The following PRR5 variants were observed in gnomAD, a reference collection of about 807,000 sequenced individuals.
PRR5 encodes proline-rich protein 5.
PRR5 carries 25 observed loss-of-function variants against 30.6 expected under a neutral mutation model. That is an observed-to-expected ratio of 0.82 (90% CI 0.60 to 1.14). PRR5 has a LOEUF of 1.14. Ranked by LOEUF, PRR5 falls within the 50% of genes most tolerant of loss-of-function variation. The pLI, the probability that PRR5 is intolerant of heterozygous loss-of-function variation, is 0.00. For synonymous variants in PRR5, 286 were observed against 247.1 expected, an observed-to-expected ratio of 1.16 and a Z score of -1.48; for missense variants, 600 against 547.1, an observed-to-expected ratio of 1.10 and a Z score of -0.96.
chr22:44,697,521 C>G (rs1292608155), upstream of PRR5, among the ~76,000 whole-genome samples: 2 of 152,248 alleles, frequency 1.3e-5, no homozygotes, highest in Admixed American at 6.5e-5. Flanking sequence ...CGGGACTGAC[C>G]AGGCTGCTCC....
rs567749081 is a variant in PRR5 at position 44,709,175 on chromosome 22, C to A, written c.135-5416C>A. Among the ~76,000 whole-genome samples the A allele has an allele frequency of 3.3e-5, 5 of 151,964 alleles. No homozygotes were observed. The East Asian group carries it at 9.7e-4, about 30-fold the overall frequency. On this transcript the variant is annotated intron_variant, in intron 1 of 7. Coordinates refer to ENST00000336985, the MANE Select transcript of PRR5 (RefSeq NM_181333.4). The stretch of plus-strand genomic sequence containing the variant: ...GGGGCCTGTGTTCGGCTCCCCACCA[C>A]CCCTGCTTGTGGCTCCCCACCACCC...
At chr22:44,729,814 A>G (rs1393253482) in intron 4 of PRR5, 31 of 985,344 alleles carry the variant, frequency 3.1e-5, no homozygotes, top group Admixed American at 1.8e-4. Context: ...TGGGCTGGAG[A>G]ACAGCCTGCG....
chr22:44,722,494 G>A (rs866514772), intron 2 of PRR5, among the ~76,000 whole-genome samples: 2 of 152,226 alleles, frequency 1.3e-5, no homozygotes, highest in Admixed American at 1.3e-4. Context: ...CCTGAGTGCC[G>A]GTTCCCTCAG....
At chr22:44,709,377 G>T (rs1319015755) in intron 1 of PRR5, among the ~76,000 whole-genome samples, 1 of 152,168 alleles carries the variant, frequency 6.6e-6, no homozygotes, top group Non-Finnish European at 1.5e-5. Flanking sequence ...ATGCAGTGAC[G>T]GGCACAGAGA....
At chr22:44,680,011 A>C in intron 1 of PRR5, 1 of 822,090 alleles carries the variant, frequency 1.2e-6, no homozygotes, top group South Asian at 1.7e-5. Context: ...TGAGGGCTGG[A>C]CCTCAGCCTG....
chr22:44,673,126 C>G (rs527948646), upstream of PRR5, among the ~76,000 whole-genome samples: 1 of 152,340 alleles, frequency 6.6e-6, no homozygotes, highest in Admixed American at 6.5e-5. Flanking sequence ...CAAAAGCAAT[C>G]CACCTAGTGC....
At chr22:44,717,686 C>G (rs190585750) in intron 2 of PRR5, among the ~76,000 whole-genome samples, 1 of 151,336 alleles carries the variant, frequency 6.6e-6, no homozygotes, top group South Asian at 2.1e-4. Context: ...TCTTGAGGTC[C>G]GCTCAGGGAG....
chr22:44,688,308 T>G (rs1254590351), intron 1 of PRR5, among the ~76,000 whole-genome samples: 2 of 151,836 alleles, frequency 1.3e-5, no homozygotes, highest in Non-Finnish European at 2.9e-5. Flanking sequence ...CGCTTGAACC[T>G]GGGAGGCGGA....
upstream of PRR5, among the ~76,000 whole-genome samples, chr22:44,699,047 C>T (rs1396411706): frequency 2.6e-5 from 4 of 152,196 alleles, no homozygotes; most frequent in African/African-American, 9.7e-5. Context: ...AGATTTTACA[C>T]ATCTGTGGCT....
chr22:44,679,799 C>T (rs764642415), intron 1 of PRR5: 2 of 1,597,058 alleles, frequency 1.3e-6, no homozygotes, highest in Non-Finnish European at 1.7e-6. Context: ...GACATAGAGC[C>T]ATGGTGTGTT....
chr22:44,711,292 G>A (rs1928196266), intron 1 of PRR5, among the ~76,000 whole-genome samples: 1 of 152,214 alleles, frequency 6.6e-6, no homozygotes, highest in Non-Finnish European at 1.5e-5. Context: ...TTCCCACACA[G>A]CTGCGAGGGA....
At position 44,730,645 on chromosome 22, in the gene PRR5, C is replaced by T. The variant is rs1009155833; in HGVS notation, c.323-1085C>T. The stretch of plus-strand genomic sequence containing the variant: ...GTCAAGATGTGTCCCCATACCACTA[C>T]GTCTGGCAAGCCCAGCTCCTATAGC... On this transcript the variant is annotated intron_variant, in intron 4 of 7. Transcript: ENST00000336985. 30 of 1,030,366 alleles carry T rather than the reference C, an allele frequency of 2.9e-5. No individual in the cohort carries two copies. The Admixed American group carries it at 4.7e-4, about 16-fold the overall frequency. 63.8% of individuals were successfully genotyped at this position (1,030,366 alleles called of 1,614,324 possible). A position where few individuals can be genotyped will look rare whatever the true frequency, so the allele number is the denominator to read the frequency against.
At chr22:44,677,439 C>T (rs544214218) in intron 1 of PRR5, among the ~76,000 whole-genome samples, 2 of 152,210 alleles carry the variant, frequency 1.3e-5, no homozygotes, top group East Asian at 1.9e-4. Context: ...GGTGTCTGTC[C>T]GCCCTGATGT....
chr22:44,731,761 C>G lies in PRR5; in HGVS notation c.354C>G (p.Thr118=). ...AGCTGCTGGACTCACTGGCAGAGAC[C>G]TGGGACTTCTTCTTCAGTGACGTGC... ...GQKLLDSLAE[T]WDFFFSDVLP... The change falls in exon 5 of 8, where the codon ACC becomes ACG. Residue 118 remains threonine (T), a synonymous_variant. Coordinates refer to ENST00000336985, the MANE Select transcript of PRR5 (RefSeq NM_181333.4). 6.2e-7 allele frequency: 1 copy of G among 1,613,822 alleles called. No homozygotes were observed. Among genetic ancestry groups the G allele is most frequent in the Non-Finnish European group, 8.5e-7 (1 of 1,180,020 alleles).
Position 44,737,213 on chromosome 22 carries a change from T to C in PRR5, c.1133T>C (p.Leu378Ser). 1 of 1,608,188 alleles carries C rather than the reference T, an allele frequency of 6.2e-7. No individual in the cohort carries two copies. Among genetic ancestry groups the C allele is most frequent in the South Asian group, 1.1e-5 (1 of 90,946 alleles). The change falls in exon 8 of 8, where the codon TTG (leucine) becomes TCG (serine). Residue 378 changes from leucine to serine, a missense_variant. Leu to Ser is a moderately radical substitution (Grantham distance 145, BLOSUM62 -2). Coordinates refer to ENST00000336985, the MANE Select transcript of PRR5 (RefSeq NM_181333.4). ...GGCCGGGGCTCTGGCATGTCCGACT[T>C]GGAGGGCTCTGGGGGCCGGCAGAGT... ...GRGRGSGMSDLEGSGGRQSVV is the reference protein window; with the variant it reads ...GRGRGSGMSDSEGSGGRQSVV
Position 44,737,339 on chromosome 22 carries a change from G to A in PRR5, c.*92G>A, listed in dbSNP as rs569291652. 22 of 1,479,966 alleles carry A rather than the reference G, an allele frequency of 1.5e-5. No homozygotes were observed. The highest frequency in any genetic ancestry group is 1.5e-4 in the South Asian group (11 of 74,590). The allele number at this position is 1,479,966 out of a possible 1,614,324, so 91.7% of individuals were successfully genotyped here. On this transcript the variant is annotated 3_prime_UTR_variant, in exon 8 of 8. Coordinates refer to ENST00000336985, the MANE Select transcript of PRR5 (RefSeq NM_181333.4). ...TGTGTGAGTGAGACTTTTTTACTGC[G>A]TCCCGTCCCGCCAGCCCTATCGGCC... is the stretch of plus-strand genomic sequence containing the variant.
upstream of PRR5, among the ~76,000 whole-genome samples, chr22:44,674,700 CAGAG>C (rs768253802): frequency 1.8e-4 from 27 of 150,728 alleles, no homozygotes; most frequent in Non-Finnish European, 3.7e-4. Flanking sequence ...GCCTGGGCGA[CAGAG>C]AGAGACTCCG....
intron 1 of PRR5, among the ~76,000 whole-genome samples, chr22:44,690,345 CA>C (rs937797478): frequency 2.6e-5 from 4 of 151,994 alleles, no homozygotes; most frequent in African/African-American, 9.7e-5. Flanking sequence ...GACCCTGACA[CA>C]AGGCAGGGGG....
chr22:44,736,899 C>A lies in PRR5; in HGVS notation c.819C>A (p.Ala273=). ...VQEHEAEGAA[A]GGTSIRRHSV... is the part of the protein sequence containing the mutation. The stretch of plus-strand genomic sequence containing the variant: ...AGCACGAGGCGGAGGGCGCGGCGGC[C>A]GGCGGTACCAGCATCCGCAGGCACT... Residue 273 remains alanine (A), a synonymous_variant, in exon 8 of 8, where the codon GCC becomes GCA. Transcript: ENST00000336985. The A allele has an allele frequency of 6.2e-7, 1 of 1,608,828 alleles. No homozygotes were observed.
Sources: allele counts gnomAD v4.1 joint callset (sites outside exome capture counted in the v4.1 genomes callset), GRCh38; gene constraint gnomAD v4.1.1; transcripts MANE v1.5; gene names NCBI Gene and HGNC (gene_info 2026-07-23, HGNC 2026-07-21).